ASIC2: variants seen among roughly 807,000 people sequenced by gnomAD.
ASIC2 encodes acid sensing ion channel subunit 2.
In ASIC2, 25 loss-of-function variants were observed where a neutral mutation model predicts 57.3. The observed-to-expected ratio is 0.44, with a 90% CI of 0.32 to 0.61. The LOEUF (loss-of-function observed/expected upper bound fraction) is 0.61. ASIC2 is among the 20% of genes least tolerant of loss of function. ASIC2 has a pLI of 0.06. For synonymous variants in ASIC2, 319 were observed against 307.5 expected (o/e 1.04, Z -0.39); for missense variants, 641 against 738.1 (o/e 0.87, Z 1.52).
chr17:33,175,815 C>T (rs372324621), intron 1 of ASIC2, among the ~76,000 whole-genome samples: 1 of 152,292 alleles, frequency 6.6e-6, no homozygotes, highest in African/African-American at 2.4e-5. Flanking sequence ...TCGGCGCTCT[C>T]TTCTTGCTTT....
intron 1 of ASIC2, among the ~76,000 whole-genome samples, chr17:34,112,811 C>T (rs1911315111): frequency 6.6e-6 from 1 of 152,140 alleles, no homozygotes; most frequent in South Asian, 2.1e-4. Flanking sequence ...GATGATTTCT[C>T]TAGCTTCAAT....
At chr17:33,847,618 C>T (rs143748384) in intron 1 of ASIC2, among the ~76,000 whole-genome samples, 5 of 152,318 alleles carry the variant, frequency 3.3e-5, no homozygotes, top group African/African-American at 1.2e-4. Context: ...ATATGGGACA[C>T]AGCTTACTCT....
At chr17:33,046,263 C>G (rs543456711) in intron 3 of ASIC2, among the ~76,000 whole-genome samples, 1 of 152,198 alleles carries the variant, frequency 6.6e-6, no homozygotes, top group East Asian at 1.9e-4. Flanking sequence ...GGCTTCCATT[C>G]ACTATCTCTT....
chr17:33,073,509 A>G (rs1333340249), intron 3 of ASIC2, among the ~76,000 whole-genome samples: 2 of 152,074 alleles, frequency 1.3e-5, no homozygotes, highest in African/African-American at 4.8e-5. Flanking sequence ...AGGGAAGCCT[A>G]TCTTGCAAGG....
In ASIC2 at chr17:33,953,203, C is replaced by T. The variant is rs1462494709; in HGVS notation, c.555+202775G>A. Among the ~76,000 whole-genome samples the T allele has an allele frequency of 2.6e-5, 4 of 152,066 alleles. No homozygotes were observed. The East Asian group carries it at 7.7e-4, about 29-fold the overall frequency. ...TGTGAGATTTTGAATGACATTTCTC[C>T]TACCTTTTTATATACACGTGCACAC... On this transcript the variant is annotated intron_variant, in intron 1 of 9. Coordinates refer to the ASIC2 transcript ENST00000359872.
chr17:34,142,810 A>C (rs193179201), intron 1 of ASIC2: 2 of 152,302 alleles, frequency 1.3e-5, no homozygotes, highest in East Asian at 3.9e-4. Context: ...TTTAAAATGG[A>C]GAAGTGGAGG....
chr17:34,149,137 C>T (rs11651234), intron 1 of ASIC2, among the ~76,000 whole-genome samples: 62,308 of 146,090 alleles, frequency 0.43, 13,493 homozygotes, highest in African/African-American at 0.52. Context: ...GACAGTGTCT[C>T]GCTCTGTTGC....
intron 1 of ASIC2, among the ~76,000 whole-genome samples, chr17:34,149,752 G>A (rs1904439602): frequency 6.6e-6 from 1 of 152,232 alleles, no homozygotes; most frequent in South Asian, 2.1e-4. Flanking sequence ...CATTGGAAAG[G>A]ATGTGGAGAA....
intron 1 of ASIC2, among the ~76,000 whole-genome samples, chr17:33,211,361 C>T (rs1204760373): frequency 6.6e-6 from 1 of 152,036 alleles, no homozygotes; most frequent in Non-Finnish European, 1.5e-5. Context: ...GGGGCATTTA[C>T]ATCACGGAAA....
chr17:33,555,817 G>A (rs1424386569), intron 1 of ASIC2, among the ~76,000 whole-genome samples: 1 of 152,092 alleles, frequency 6.6e-6, no homozygotes, highest in Non-Finnish European at 1.5e-5. Context: ...CGGGGTTTGA[G>A]CCGGTTTAAG....
chr17:33,298,918 C>A (rs1167571661), intron 1 of ASIC2, among the ~76,000 whole-genome samples: 10 of 152,080 alleles, frequency 6.6e-5, no homozygotes, highest in Non-Finnish European at 1.2e-4. Context: ...AACTACAAAC[C>A]ACTGCTCAAC....
intron 3 of ASIC2, among the ~76,000 whole-genome samples, chr17:33,044,041 T>C (rs1047744044): frequency 6.6e-6 from 1 of 151,982 alleles, no homozygotes; most frequent in Non-Finnish European, 1.5e-5. Flanking sequence ...AAAATGTGAA[T>C]TGGTTATGCA....
At chr17:33,465,126 A>C (rs959868168) in intron 1 of ASIC2, among the ~76,000 whole-genome samples, 1 of 152,190 alleles carries the variant, frequency 6.6e-6, no homozygotes, top group Non-Finnish European at 1.5e-5. Flanking sequence ...GACTGTTAAG[A>C]AAATGAGTGG....
At chr17:33,095,728 G>A (rs2092176183) in intron 2 of ASIC2, among the ~76,000 whole-genome samples, 1 of 152,266 alleles carries the variant, frequency 6.6e-6, no homozygotes, top group Non-Finnish European at 1.5e-5. Flanking sequence ...GGGCTGGGCA[G>A]GGGCAGCAAA....
At chr17:34,039,762 C>G in intron 1 of ASIC2, 1 of 1,612,010 alleles carries the variant, frequency 6.2e-7, no homozygotes, top group Non-Finnish European at 8.5e-7. Flanking sequence ...TGCACAAGCT[C>G]TGGTTGGAAG....
chr17:33,720,477 T>TAA (rs1221322331), intron 1 of ASIC2, among the ~76,000 whole-genome samples: 6 of 152,210 alleles, frequency 3.9e-5, no homozygotes, highest in Non-Finnish European at 5.9e-5. Context: ...GGCAACGTTT[T>TAA]AAGTGACTTA....
chr17:33,858,381 C>T (rs1241274786), intron 1 of ASIC2, among the ~76,000 whole-genome samples: 14 of 152,216 alleles, frequency 9.2e-5, no homozygotes, highest in African/African-American at 3.4e-4. Flanking sequence ...AGGGTCCAGC[C>T]TGGTGGCTGC....
chr17:33,955,048 G>C (rs568134824), intron 1 of ASIC2: 1 of 152,216 alleles, frequency 6.6e-6, no homozygotes, highest in Non-Finnish European at 1.5e-5. Context: ...TGCATCAAAG[G>C]TAGGTAGGTA....
At position 33,593,591 on chromosome 17, in the gene ASIC2, A is replaced by T. The variant is rs147020918; in HGVS notation, c.556-481524T>A. Among the ~76,000 whole-genome samples the T allele has an allele frequency of 5.4e-3, 826 of 152,280 alleles. 7 individuals carry two copies. Among genetic ancestry groups the T allele is most frequent in the African/African-American group, 0.019 (794 of 41,556 alleles). On this transcript the variant is annotated intron_variant, in intron 1 of 9. Coordinates refer to the ASIC2 transcript ENST00000359872. ...GGGCCTTGGTGAAATGGTGATAATG[A>T]TGGCAGCTTCCCGTAGGGTTACTCT...
Sources: gnomAD v4.1 joint callset for allele counts (sites outside exome capture counted in the v4.1 genomes callset) on GRCh38, gnomAD v4.1.1 for gene constraint, MANE v1.5 for transcripts, NCBI Gene and HGNC (gene_info 2026-07-23, HGNC 2026-07-21) for gene names.